The following TP53BP1 variants were observed in gnomAD, a reference collection of about 807,000 sequenced individuals.
TP53BP1 encodes the protein TP53-binding protein 1.
In TP53BP1, 61 loss-of-function variants were observed where a neutral mutation model predicts 200.8. That is an observed-to-expected ratio of 0.30 (90% CI 0.25 to 0.38). The LOEUF (loss-of-function observed/expected upper bound fraction) is 0.38. Ranked by LOEUF, TP53BP1 falls within the 10% of genes least tolerant of loss-of-function variation. The pLI, the probability that TP53BP1 is intolerant of heterozygous loss-of-function variation, is 1.00. For synonymous variants in TP53BP1, 822 were observed against 844.3 expected, an observed-to-expected ratio of 0.97 and a Z score of 0.46; for missense variants, 2,144 against 2,371.9, an observed-to-expected ratio of 0.90 and a Z score of 2.00.
intron 16 of TP53BP1, among the ~76,000 whole-genome samples, chr15:43,437,366 C>T (rs2143000645): frequency 6.6e-6 from 1 of 152,236 alleles, no homozygotes; most frequent in South Asian, 2.1e-4. Context: ...GGCACGGTGG[C>T]TCACACTTGT....
In TP53BP1 at chr15:43,413,112, G is replaced by T. The variant is rs754051235; in HGVS notation, c.5305+7C>A. On this transcript the variant is annotated splice_region_variant and intron_variant, in intron 24 of 27. Coordinates refer to ENST00000382044, the MANE Select transcript of TP53BP1 (RefSeq NM_001141980.3). ...GTCAGAGCTCCCAGGGCTTCCTAAGGCCTTACCCTCCTCTTCTTCACTGCT... is the reference window on the plus strand; with the variant it reads ...GTCAGAGCTCCCAGGGCTTCCTAAGTCCTTACCCTCCTCTTCTTCACTGCT... The T allele has an allele frequency of 6.2e-7, 1 of 1,613,980 alleles. No individual in the cohort carries two copies. The highest frequency in any genetic ancestry group is 2.2e-5 in the East Asian group (1 of 44,878).
In TP53BP1 at chr15:43,444,259, CTT is replaced by C. The variant is rs144984745; in HGVS notation, c.3040+2126_3040+2127del. Among the ~76,000 whole-genome samples, 821 of 152,288 alleles carry C rather than the reference CTT, an allele frequency of 5.4e-3. 12 individuals are homozygous for C. Among genetic ancestry groups the C allele is most frequent in the African/African-American group, 0.019 (785 of 41,550 alleles). On this transcript the variant is annotated intron_variant, in intron 14 of 27. Transcript: ENST00000382044. ...TTTAAGGCTATCACATACTCTCTCTCTTGACAAACCCTTTTTAAAATTTTTAT... is the reference window on the plus strand; with the variant it reads ...TTTAAGGCTATCACATACTCTCTCTCGACAAACCCTTTTTAAAATTTTTAT...
chr15:43,410,376 T>C (rs552970143), intron 24 of TP53BP1, among the ~76,000 whole-genome samples: 8 of 152,264 alleles, frequency 5.3e-5, no homozygotes, highest in African/African-American at 1.7e-4. Context: ...GATCTTGAAG[T>C]ACCTCAGGAC....
intron 26 of TP53BP1, 191 bp downstream of exon 26, chr15:43,408,706 A>G: frequency 1.7e-6 from 1 of 596,784 alleles, no homozygotes; most frequent in South Asian, 2.1e-5. Flanking sequence ...ACACATTTGC[A>G]AAAGGTTCCT....
chr15:43,484,314 C>G (rs577167382), intron 4 of TP53BP1, among the ~76,000 whole-genome samples: 1 of 152,328 alleles, frequency 6.6e-6, no homozygotes, highest in South Asian at 2.1e-4. Flanking sequence ...TACTCAGAAT[C>G]TCACCATTCT....
At chr15:43,461,607 CA>C (rs1421201521) in intron 11 of TP53BP1, among the ~76,000 whole-genome samples, 2 of 151,340 alleles carry the variant, frequency 1.3e-5, no homozygotes, top group African/African-American at 4.9e-5. Flanking sequence ...ACTAAAAGAT[CA>C]AAAAACATTT....
intron 12 of TP53BP1, among the ~76,000 whole-genome samples, chr15:43,449,050 C>CT (rs66492382): frequency 0.28 from 42,863 of 151,924 alleles, 10,227 homozygotes; most frequent in African/African-American, 0.65. Context: ...CTGCTTGAAC[C>CT]TGGGAGGCAG....
At chr15:43,489,195 GTA>G (rs1566966617) in intron 4 of TP53BP1, among the ~76,000 whole-genome samples, 1 of 152,222 alleles carries the variant, frequency 6.6e-6, no homozygotes, top group African/African-American at 2.4e-5. Flanking sequence ...AGCTACTGAT[GTA>G]ATGACTCATT....
chr15:43,465,278 AGGT>A (rs1217744671), intron 11 of TP53BP1, among the ~76,000 whole-genome samples: 1 of 152,112 alleles, frequency 6.6e-6, no homozygotes, highest in Non-Finnish European at 1.5e-5. Context: ...GGTTTTGAGG[AGGT>A]GATGAAACTA....
At chr15:43,473,792 G>T (rs2046784617) in intron 10 of TP53BP1, among the ~76,000 whole-genome samples, 1 of 152,248 alleles carries the variant, frequency 6.6e-6, no homozygotes, top group African/African-American at 2.4e-5. Flanking sequence ...ACCAGACTCA[G>T]CAGCCCAGCT....
At position 43,406,725 on chromosome 15, in the gene TP53BP1, T is replaced by C. The variant is rs1175882781; in HGVS notation, c.*658A>G. The C allele has an allele frequency of 2.4e-6, 1 of 417,100 alleles. No homozygotes were observed. The highest frequency in any genetic ancestry group is 1.8e-5 in the South Asian group (1 of 56,654). 25.8% of individuals were successfully genotyped at this position (417,100 alleles called of 1,614,324 possible). A position where few individuals can be genotyped will look rare whatever the true frequency, so the allele number is the denominator to read the frequency against. On this transcript the variant is annotated 3_prime_UTR_variant, in exon 28 of 28. Coordinates refer to ENST00000382044, the MANE Select transcript of TP53BP1 (RefSeq NM_001141980.3). Reference sequence around the variant, plus strand: ...TAATAATAATAATAATATTGGGTCTTTGACTAGAACGTGTAACATTTCCAG... The same window carrying C: ...TAATAATAATAATAATATTGGGTCTCTGACTAGAACGTGTAACATTTCCAG...
intron 11 of TP53BP1, among the ~76,000 whole-genome samples, chr15:43,460,989 G>A (rs2046415286): frequency 6.7e-6 from 1 of 149,730 alleles, no homozygotes; most frequent in African/African-American, 2.5e-5. Context: ...GTACAACAGA[G>A]TAAGACCCTG....
rs2044942906 is a variant in TP53BP1, at chr15:43,407,456, T to C, written c.5861A>G (p.Gln1954Arg). Residue 1954 changes from glutamine to arginine, a missense_variant, in exon 28 of 28, where the codon CAG becomes CGG. This residue lies in a region of TP53BP1 where 334 missense variants were observed against 453.4 expected (regional missense o/e 0.74). Transcript: ENST00000382044. ...AATTCTCTCCCCAACAATGAGGCAC[T>C]GGATCACCCACTCTTGTGACACCAC... is the stretch of plus-strand genomic sequence containing the variant. ...LPVVSQEWVI[Q>R]CLIVGERIGF... The C allele has an allele frequency of 6.2e-7, 1 of 1,614,122 alleles. No individual in the cohort carries two copies. The highest frequency in any genetic ancestry group is 1.1e-5 in the South Asian group (1 of 91,090).
chr15:43,488,385 G>A (rs2079075237), intron 4 of TP53BP1, among the ~76,000 whole-genome samples: 1 of 151,990 alleles, frequency 6.6e-6, no homozygotes, highest in Admixed American at 6.6e-5. Flanking sequence ...TACACATGAA[G>A]AATGGATTAA....
At chr15:43,482,543 C>T (rs565287560) in intron 4 of TP53BP1, among the ~76,000 whole-genome samples, 5 of 152,222 alleles carry the variant, frequency 3.3e-5, no homozygotes, top group East Asian at 1.9e-4. Context: ...CCGAAACAGG[C>T]GGATCACAAG....
chr15:43,425,212 A>C (rs919705913), intron 18 of TP53BP1, among the ~76,000 whole-genome samples: 20 of 152,220 alleles, frequency 1.3e-4, no homozygotes, highest in African/African-American at 4.8e-4. Flanking sequence ...ATAGCAACAG[A>C]AAACAGACTA....
At position 43,438,285 on chromosome 15, in the gene TP53BP1, C is replaced by T. The variant is rs774070523; in HGVS notation, c.3191+39G>A. On this transcript the variant is annotated intron_variant, in intron 16 of 27. Coordinates refer to ENST00000382044, the MANE Select transcript of TP53BP1 (RefSeq NM_001141980.3). ...ATTTGGGCACTAACCATTTTGTGAA[C>T]CAATGGAGCCCAAAAGATTCTATAA... 3.6e-5 allele frequency: 57 copies of T among 1,574,872 alleles called. No homozygotes were observed. The East Asian group carries it at 9.9e-4, about 27-fold the overall frequency.
intron 11 of TP53BP1, among the ~76,000 whole-genome samples, chr15:43,465,410 CTG>C (rs1370545687): frequency 1.3e-5 from 2 of 151,850 alleles, no homozygotes; most frequent in Non-Finnish European, 2.9e-5. Context: ...AATATAGCCA[CTG>C]TTTTTTTAAT....
At chr15:43,416,825 AAATG>A (rs2045276558) in intron 21 of TP53BP1, 1 of 158,066 alleles carries the variant, frequency 6.3e-6, no homozygotes, top group African/African-American at 2.4e-5. Flanking sequence ...TGTAGGTGAA[AAATG>A]ACATCATTCT....
Sources: gnomAD v4.1 joint callset for allele counts (sites outside exome capture counted in the v4.1 genomes callset) on GRCh38, gnomAD v4.1.1 for gene constraint, gnomAD v4.1.1 regional missense constraint, MANE v1.5 for transcripts, NCBI Gene and HGNC (gene_info 2026-07-23, HGNC 2026-07-21) for gene names.